TNPO3: variants seen among roughly 807,000 people sequenced by gnomAD.
TNPO3 encodes the protein transportin 3.
A neutral mutation model predicts 122.8 loss-of-function variants in TNPO3; 65 were observed. The observed-to-expected ratio is 0.53, with a 90% CI of 0.43 to 0.65. The LOEUF is 0.65. Among genes scored for constraint, TNPO3 ranks in the 30% least tolerant of loss-of-function variants. TNPO3 has a pLI of 0.00. For synonymous variants in TNPO3, 372 were observed against 411.2 expected (o/e 0.90, Z 1.15); for missense variants, 850 against 1,136.7 (o/e 0.75, Z 3.63).
Position 128,975,934 on chromosome 7 carries a change from A to G in TNPO3, c.2063T>C (p.Met688Thr). 6.2e-7 allele frequency: 1 copy of G among 1,607,042 alleles called. No individual in the cohort carries two copies. Among genetic ancestry groups the G allele is most frequent in the Non-Finnish European group, 8.5e-7 (1 of 1,173,712 alleles). ...CTGATGTACGTGGTACACATTCACC[A>G]TCTGTTGAGGGAAAAAACAATTAGT... is the stretch of plus-strand genomic sequence containing the variant. ...AALLQPLVTQ[M>T]VNVYHVHQHS... The change falls in exon 17 of 23, where the codon ATG (methionine) becomes ACG (threonine). Residue 688 changes from methionine to threonine, a missense_variant and splice_region_variant. Met to Thr is a moderately conservative substitution (Grantham distance 81). Transcript: ENST00000265388.
Position 128,980,002 on chromosome 7 carries a change from T to C in TNPO3, c.1889A>G (p.Gln630Arg). 1 of 1,614,144 alleles carries C rather than the reference T, an allele frequency of 6.2e-7. No homozygotes were observed. The highest frequency in any genetic ancestry group is 2.2e-5 in the East Asian group (1 of 44,876). ...TATGACTTTCTGACACGGATGAGTCTGTCCATTTTCCACAATGGGATTGGT... is the reference window on the plus strand; with the variant it reads ...TATGACTTTCTGACACGGATGAGTCCGTCCATTTTCCACAATGGGATTGGT... Reference protein sequence around the residue: ...RHTNPIVENGQTHPCQKVIQE... With the variant: ...RHTNPIVENGRTHPCQKVIQE... The change falls in exon 15 of 23, where the codon CAG becomes CGG. Residue 630 changes from glutamine (Q) to arginine (R), a missense_variant. Transcript: ENST00000265388.
Position 128,986,818 on chromosome 7 carries a change from A to G in TNPO3, c.1601T>C (p.Met534Thr). 1 of 1,614,174 alleles carries G rather than the reference A, an allele frequency of 6.2e-7. No homozygotes were observed. The highest frequency in any genetic ancestry group is 8.5e-7 in the Non-Finnish European group (1 of 1,180,004). ...CAGGAGTCCATTAAAGTGCTGAGCC[A>G]TGTGATCTCGGCAGACAGAGCAAAT... Reference protein sequence around the residue: ...HNICSVCRDHMAQHFNGLLEI... With the variant: ...HNICSVCRDHTAQHFNGLLEI... Residue 534 changes from methionine (M) to threonine (T), a missense_variant, in exon 12 of 23, where the codon ATG becomes ACG. Coordinates refer to ENST00000265388, the MANE Select transcript of TNPO3 (RefSeq NM_012470.4).
intron 5 of TNPO3, 104 bp downstream of exon 5, chr7:129,004,912 C>A: frequency 9.1e-7 from 1 of 1,103,224 alleles, no homozygotes; most frequent in East Asian, 2.5e-5. Context: ...TAATACACGC[C>A]TTCCAGTTAC....
At chr7:129,028,317 A>C (rs2150485085) in intron 1 of TNPO3, among the ~76,000 whole-genome samples, 1 of 152,334 alleles carries the variant, frequency 6.6e-6, no homozygotes, top group South Asian at 2.1e-4. Flanking sequence ...AACTAGTATA[A>C]GAACACAACA....
At chr7:129,047,540 TC>T (rs1808195840) in intron 1 of TNPO3, among the ~76,000 whole-genome samples, 1 of 152,206 alleles carries the variant, frequency 6.6e-6, no homozygotes, top group Non-Finnish European at 1.5e-5. Flanking sequence ...GAATACAGAT[TC>T]TTCAGAAAAT....
At position 129,054,848 on chromosome 7, in the gene TNPO3, C is replaced by A. The variant is rs1809297942; in HGVS notation, c.-78G>T. 1 of 1,598,552 alleles carries A rather than the reference C, an allele frequency of 6.3e-7. No individual in the cohort carries two copies. The highest frequency in any genetic ancestry group is 1.3e-5 in the African/African-American group (1 of 74,658). The stretch of plus-strand genomic sequence containing the variant: ...CCTCGGTTGCTCCGCCTTCGCGCTT[C>A]CTCACTGTCTGGGCCACGGCCGCTC... On this transcript the variant is annotated 5_prime_UTR_variant, in exon 1 of 23. Coordinates refer to ENST00000265388, the MANE Select transcript of TNPO3 (RefSeq NM_012470.4).
intron 7 of TNPO3, among the ~76,000 whole-genome samples, chr7:128,999,089 G>C (rs1037032201): frequency 3.3e-5 from 5 of 152,042 alleles, no homozygotes; most frequent in African/African-American, 4.8e-5. Context: ...CTGACCTTAT[G>C]ATCTGCCCAC....
rs531323756 is a variant in TNPO3, at chr7:128,955,198, C to G, written c.*219G>C. 2.7e-6 allele frequency: 1 copy of G among 369,140 alleles called. No individual in the cohort carries two copies. The highest frequency in any genetic ancestry group is 5.3e-6 in the Non-Finnish European group (1 of 188,754). The allele number at this position is 369,140 out of a possible 1,614,324, so 22.9% of individuals were successfully genotyped here. Reference sequence around the variant, plus strand: ...AGGCCACAGCCATCTTTTTAAAATCCGCGCTGATTTTCCCTCACACCCCCA... The same window carrying G: ...AGGCCACAGCCATCTTTTTAAAATCGGCGCTGATTTTCCCTCACACCCCCA... On this transcript the variant is annotated 3_prime_UTR_variant, in exon 23 of 23. Coordinates refer to ENST00000265388, the MANE Select transcript of TNPO3 (RefSeq NM_012470.4).
At chr7:128,993,709 A>G in intron 9 of TNPO3, 98 bp downstream of exon 9, 7 of 1,058,710 alleles carry the variant, frequency 6.6e-6, no homozygotes, top group Non-Finnish European at 8.3e-6. Context: ...TTCAGCCACT[A>G]AAATTGAAGA....
chr7:129,051,890 C>A (rs1003190040), intron 1 of TNPO3, among the ~76,000 whole-genome samples: 2 of 152,208 alleles, frequency 1.3e-5, no homozygotes, highest in African/African-American at 4.8e-5. Context: ...GCGATCCGCC[C>A]GCCTCAGCCT....
At chr7:128,997,677 T>G in intron 7 of TNPO3, 142 bp from the exon 8 acceptor site, 4 of 721,572 alleles carry the variant, frequency 5.5e-6, no homozygotes, top group Non-Finnish European at 8.8e-6. Context: ...ACCTTTTCTC[T>G]AGCAGATTTA....
chr7:128,983,859 C>G (rs1440278148), intron 13 of TNPO3, among the ~76,000 whole-genome samples: 1 of 152,226 alleles, frequency 6.6e-6, no homozygotes, highest in East Asian at 1.9e-4. Flanking sequence ...ACCTCAAGCA[C>G]ACTTTCTCAG....
intron 21 of TNPO3, among the ~76,000 whole-genome samples, chr7:128,965,069 A>AAGC (rs1797811327): frequency 6.6e-6 from 1 of 152,208 alleles, no homozygotes; most frequent in Non-Finnish European, 1.5e-5. Flanking sequence ...CAGACAACAA[A>AAGC]AGCAAAACAG....
At chr7:128,982,527 C>A (rs1198245427) in intron 13 of TNPO3, among the ~76,000 whole-genome samples, 2 of 152,096 alleles carry the variant, frequency 1.3e-5, no homozygotes, top group African/African-American at 4.8e-5. Flanking sequence ...TTATTGCATC[C>A]TGGCCAAGAC....
chr7:128,994,955 C>T (rs1423260852), intron 8 of TNPO3, among the ~76,000 whole-genome samples: 1 of 152,002 alleles, frequency 6.6e-6, no homozygotes, highest in Non-Finnish European at 1.5e-5. Flanking sequence ...ACGTGCCTGG[C>T]CTCAGTTAAT....
intron 1 of TNPO3, among the ~76,000 whole-genome samples, chr7:129,041,069 A>T (rs1807322271): frequency 6.6e-6 from 1 of 152,166 alleles, no homozygotes; most frequent in Non-Finnish European, 1.5e-5. Flanking sequence ...AGAGTTTAAG[A>T]ATTGTTGACA....
intron 1 of TNPO3, among the ~76,000 whole-genome samples, chr7:129,053,676 T>C (rs1236825800): frequency 1.3e-5 from 2 of 152,030 alleles, no homozygotes; most frequent in Admixed American, 6.6e-5. Context: ...AAAAATATGG[T>C]TGTGAGTATA....
chr7:129,054,901 G>T lies in TNPO3; in HGVS notation c.-131C>A. The T allele has an allele frequency of 7.9e-7, 1 of 1,269,340 alleles. No homozygotes were observed. The highest frequency in any genetic ancestry group is 1.1e-6 in the Non-Finnish European group (1 of 910,892). The allele number at this position is 1,269,340 out of a possible 1,614,324, so 78.6% of individuals were successfully genotyped here. A position where few individuals can be genotyped will look rare whatever the true frequency, so the allele number is the denominator to read the frequency against. ...TGACTGGCGCCATCTCCTCCTCTTT[G>T]GCCGTTACCAGGGCAGAAGGCTCTC... On this transcript the variant is annotated 5_prime_UTR_variant, in exon 1 of 23. Coordinates refer to ENST00000265388, the MANE Select transcript of TNPO3 (RefSeq NM_012470.4).
chr7:128,955,678 C>T (rs1175641736), intron 22 of TNPO3, among the ~76,000 whole-genome samples: 1 of 152,204 alleles, frequency 6.6e-6, no homozygotes, highest in Non-Finnish European at 1.5e-5. Flanking sequence ...CCAGGCCTCC[C>T]ATTCCAAAGC....
Sources: allele counts gnomAD v4.1 joint callset (sites outside exome capture counted in the v4.1 genomes callset), GRCh38; gene constraint gnomAD v4.1.1; transcripts MANE v1.5; gene names NCBI Gene and HGNC (gene_info 2026-07-23, HGNC 2026-07-21).